RUNX1: variants seen among roughly 807,000 people sequenced by gnomAD.
RUNX1 encodes RUNX family transcription factor 1.
Under a neutral mutation model 42.8 loss-of-function variants are expected in RUNX1, and 19 were observed. The ratio of observed to expected loss-of-function variants is 0.44; its 90% CI spans 0.31 to 0.65. The LOEUF is 0.65. Among genes scored for constraint, RUNX1 ranks in the 30% least tolerant of loss-of-function variants. The pLI, the probability that RUNX1 is intolerant of heterozygous loss-of-function variation, is 0.07. For synonymous variants in RUNX1, 271 were observed against 289.4 expected (o/e 0.94, Z 0.64); for missense variants, 528 against 672.0 (o/e 0.79, Z 2.37).
chr21:35,009,425 G>C (rs1254297675), intron 2 of RUNX1, among the ~76,000 whole-genome samples: 3 of 152,028 alleles, frequency 2.0e-5, no homozygotes, highest in African/African-American at 7.2e-5. Context: ...TAATCTTGAG[G>C]CACTACAAGC....
intron 2 of RUNX1, among the ~76,000 whole-genome samples, chr21:34,940,692 C>T (rs771634515): frequency 6.6e-6 from 1 of 152,170 alleles, no homozygotes; most frequent in Non-Finnish European, 1.5e-5. Flanking sequence ...GAAGTCTCTC[C>T]CCTAACCAGT....
intron 7 of RUNX1, among the ~76,000 whole-genome samples, chr21:34,810,410 G>A (rs2056743069): frequency 6.6e-6 from 1 of 152,214 alleles, no homozygotes; most frequent in Non-Finnish European, 1.5e-5. Flanking sequence ...GGGGGAAAAG[G>A]AGAATTCAAA....
At chr21:34,897,634 C>T (rs1025351254) in intron 2 of RUNX1, among the ~76,000 whole-genome samples, 10 of 152,144 alleles carry the variant, frequency 6.6e-5, no homozygotes, top group Non-Finnish European at 1.5e-5. Flanking sequence ...CCACCCCTTC[C>T]CTGGCTTCAG....
intron 7 of RUNX1, among the ~76,000 whole-genome samples, chr21:34,820,544 CTG>C (rs1196600474): frequency 6.6e-6 from 1 of 151,782 alleles, no homozygotes; most frequent in Admixed American, 6.6e-5. Context: ...AATCCCGACT[CTG>C]TAATCCCGGC....
At chr21:35,039,853 A>C (rs1444536369) in intron 2 of RUNX1, among the ~76,000 whole-genome samples, 1 of 152,248 alleles carries the variant, frequency 6.6e-6, no homozygotes, top group African/African-American at 2.4e-5. Context: ...CTTTGGAAGT[A>C]AAAGCCATTC....
At chr21:34,838,112 G>C (rs987443578) in intron 6 of RUNX1, among the ~76,000 whole-genome samples, 2 of 152,228 alleles carry the variant, frequency 1.3e-5, no homozygotes, top group Middle Eastern at 3.4e-3. Flanking sequence ...ATTTTGTGAC[G>C]GATAGTGAGA....
At chr21:34,934,413 T>A (rs1380744691) in intron 2 of RUNX1, among the ~76,000 whole-genome samples, 3 of 152,140 alleles carry the variant, frequency 2.0e-5, no homozygotes, top group Non-Finnish European at 2.9e-5. Context: ...TGAATGACAA[T>A]GTCTGGCTTA....
chr21:34,960,497 A>C (rs1220148296), intron 2 of RUNX1, among the ~76,000 whole-genome samples: 1 of 152,234 alleles, frequency 6.6e-6, no homozygotes, highest in Non-Finnish European at 1.5e-5. Context: ...AACATACTGC[A>C]ATAACTACTT....
chr21:34,994,309 T>C (rs955537187), intron 2 of RUNX1, among the ~76,000 whole-genome samples: 5 of 152,318 alleles, frequency 3.3e-5, no homozygotes, highest in South Asian at 2.1e-4. Context: ...GTGTAAACTA[T>C]GTAAAATGCA....
intron 2 of RUNX1, among the ~76,000 whole-genome samples, chr21:34,994,959 G>A (rs1305426217): frequency 6.6e-6 from 1 of 152,234 alleles, no homozygotes; most frequent in African/African-American, 2.4e-5. Context: ...TTGCAGGCAA[G>A]TGTCTTGGAG....
At chr21:35,043,053 G>C (rs1386190231) in intron 2 of RUNX1, among the ~76,000 whole-genome samples, 3 of 152,258 alleles carry the variant, frequency 2.0e-5, no homozygotes, top group Non-Finnish European at 1.5e-5. Flanking sequence ...CTGCGCAAGT[G>C]AGAGCAGTGT....
intron 3 of RUNX1, among the ~76,000 whole-genome samples, chr21:34,888,909 G>A (rs1451822985): frequency 6.6e-6 from 1 of 151,610 alleles, no homozygotes; most frequent in African/African-American, 2.4e-5. Flanking sequence ...GGAGTCGGAG[G>A]CCACCCCCGC....
At chr21:34,857,067 G>A (rs1286029585) in intron 6 of RUNX1, among the ~76,000 whole-genome samples, 1 of 152,158 alleles carries the variant, frequency 6.6e-6, no homozygotes, top group Non-Finnish European at 1.5e-5. Context: ...GCATGCACTT[G>A]GCTTTTTTCT....
intron 2 of RUNX1, among the ~76,000 whole-genome samples, chr21:35,020,785 AGTCTGTTGC>A (rs2059192812): frequency 6.6e-6 from 1 of 152,138 alleles, no homozygotes; most frequent in African/African-American, 2.4e-5. Flanking sequence ...AAATAAATGA[AGTCTGTTGC>A]TTGTTTAATG....
At chr21:34,852,831 A>G (rs975364101) in intron 6 of RUNX1, among the ~76,000 whole-genome samples, 2 of 152,236 alleles carry the variant, frequency 1.3e-5, no homozygotes, top group Non-Finnish European at 2.9e-5. Flanking sequence ...TAAGTAGCTC[A>G]TCATTCACTA....
chr21:34,881,608 T>C (rs1283312162), intron 4 of RUNX1, among the ~76,000 whole-genome samples: 1 of 152,252 alleles, frequency 6.6e-6, no homozygotes, highest in East Asian at 1.9e-4. Context: ...CACAGATGCC[T>C]GAGGTTTTCT....
rs558476509 is a variant in RUNX1, at chr21:34,998,755, A to G, written c.58+50087T>C. Among the ~76,000 whole-genome samples, 29 of 152,170 alleles carry G rather than the reference A, an allele frequency of 1.9e-4. No homozygotes were observed. In the South Asian group the frequency reaches 3.7e-3, roughly 20 times the overall value. The stretch of plus-strand genomic sequence containing the variant: ...ATGGGGTTTCACCGAGTTAGCCAGG[A>G]TGGTCTCAGTCTCCTGACCTCGTGA... On this transcript the variant is annotated intron_variant, in intron 2 of 8. Transcript: ENST00000675419.
intron 2 of RUNX1, among the ~76,000 whole-genome samples, chr21:34,975,856 G>A (rs910014684): frequency 2.6e-5 from 4 of 152,110 alleles, no homozygotes; most frequent in African/African-American, 9.7e-5. Flanking sequence ...AGAGAAGAGA[G>A]AGGATTATTT....
chr21:34,899,224 T>G (rs2058156898), intron 2 of RUNX1, among the ~76,000 whole-genome samples: 1 of 152,198 alleles, frequency 6.6e-6, no homozygotes, highest in South Asian at 2.1e-4. Flanking sequence ...CGATTGGACT[T>G]TTTAAGCTGT....
Sources: allele counts gnomAD v4.1 joint callset (sites outside exome capture counted in the v4.1 genomes callset), GRCh38; gene constraint gnomAD v4.1.1; transcripts MANE v1.5; gene names NCBI Gene and HGNC (gene_info 2026-07-23, HGNC 2026-07-21).